The following CEP131 variants were observed in gnomAD, a reference collection of about 807,000 sequenced individuals.
CEP131 encodes centrosomal protein 131.
CEP131 carries 99 observed loss-of-function variants against 136.8 expected under a neutral mutation model. The ratio of observed to expected loss-of-function variants is 0.72; its 90% CI spans 0.62 to 0.86. CEP131 has a LOEUF of 0.86. CEP131 is among the 40% of genes least tolerant of loss of function. The pLI, the probability that CEP131 is intolerant of heterozygous loss-of-function variation, is 0.00. For synonymous variants in CEP131, 646 were observed against 612.7 expected (o/e 1.05, Z -0.80); for missense variants, 1,459 against 1,463.0 (o/e 1.00, Z 0.04).
chr17:81,219,251 A>G lies in CEP131; in HGVS notation c.177+629T>C, dbSNP rs913448945. ...CACCCGTCTAGGTTTCTCCAAGGCC[A>G]CCAGGAGCTCATCACCCCTCCCCAC... On this transcript the variant is annotated intron_variant, in intron 2 of 25. Transcript: ENST00000450824. The surrounding 1 kb of genome is among the most constrained non-coding windows in gnomAD (Gnocchi z 4.0). Among the ~76,000 whole-genome samples, 1 of 148,286 alleles carries G rather than the reference A, an allele frequency of 6.7e-6. No individual in the cohort carries two copies. The highest frequency in any genetic ancestry group is 1.5e-5 in the Non-Finnish European group (1 of 67,202).
At chr17:81,210,226 C>G (rs1307236566) in intron 2 of CEP131, among the ~76,000 whole-genome samples, 1 of 152,164 alleles carries the variant, frequency 6.6e-6, no homozygotes, top group Non-Finnish European at 1.5e-5. Flanking sequence ...CAGTGGCTCA[C>G]GCCTGTAATC....
chr17:81,212,720 C>T (rs984043104), intron 2 of CEP131, among the ~76,000 whole-genome samples: 6 of 151,552 alleles, frequency 4.0e-5, no homozygotes, highest in African/African-American at 9.8e-5. Context: ...GGACAGCAGA[C>T]GATGGGGCCG....
At chr17:81,191,922 G>A (rs1359413690) in intron 21 of CEP131, among the ~76,000 whole-genome samples, 1 of 152,138 alleles carries the variant, frequency 6.6e-6, no homozygotes, top group African/African-American at 2.4e-5. Context: ...GTGTGGGACT[G>A]TCACCGTGGC....
At chr17:81,218,418 C>A (rs1170597099) in intron 2 of CEP131, among the ~76,000 whole-genome samples, 1 of 152,224 alleles carries the variant, frequency 6.6e-6, no homozygotes, top group Non-Finnish European at 1.5e-5. Flanking sequence ...GCGGGAGGGG[C>A]CAAGGCAGGT....
intron 12 of CEP131, 65 bp downstream of exon 12, chr17:81,198,050 C>T (rs933167415): frequency 1.3e-6 from 2 of 1,494,646 alleles, no homozygotes; most frequent in Non-Finnish European, 1.8e-6. Context: ...CCCACAGCCA[C>T]CGCATGCTCT....
intron 7 of CEP131, among the ~76,000 whole-genome samples, chr17:81,201,750 C>T (rs1263355322): frequency 6.6e-6 from 1 of 152,118 alleles, no homozygotes; most frequent in Non-Finnish European, 1.5e-5. Context: ...ATAAACTTGC[C>T]TTTGCTTGGT....
At position 81,215,611 on chromosome 17, in the gene CEP131, C is replaced by T. The variant is rs1036617141; in HGVS notation, c.177+4269G>A. On this transcript the variant is annotated intron_variant, in intron 2 of 25. Transcript: ENST00000450824. This position sits in a 1 kb window ranked among gnomAD's most constrained non-coding sequence, Gnocchi z 4.1. ...ATTTTTAGTAGAGACGAGGTTTCAC[C>T]GTGTTGGCCAGGCTGGTCTCGAACT... is the stretch of plus-strand genomic sequence containing the variant. Among the ~76,000 whole-genome samples, 4 of 53,324 alleles carry T rather than the reference C, an allele frequency of 7.5e-5. No individual in the cohort carries two copies. Among genetic ancestry groups the T allele is most frequent in the South Asian group, 7.1e-4 (1 of 1,404 alleles). 35.0% of individuals were successfully genotyped at this position (53,324 alleles called of 152,430 possible).
chr17:81,202,285 G>A lies in CEP131; in HGVS notation c.743C>T (p.Thr248Met), dbSNP rs369029870. 60 of 1,557,324 alleles carry A rather than the reference G, an allele frequency of 3.9e-5. No homozygotes were observed. The highest frequency in any genetic ancestry group is 3.5e-4 in the Admixed American group (20 of 57,616). ...CACCTCCTTCCGCCTGGGCAAGCCCGTGCTGCCCCCAGTATTGTTCCGGGC... is the reference window on the plus strand; with the variant it reads ...CACCTCCTTCCGCCTGGGCAAGCCCATGCTGCCCCCAGTATTGTTCCGGGC... ...HSARNNTGGS[T>M]GLPRRKEVTE... is the part of the protein sequence containing the mutation. Residue 248 changes from threonine (T) to methionine (M), a missense_variant, in exon 7 of 26, where the codon ACG becomes ATG. Thr to Met is a moderately conservative substitution (Grantham distance 81). Transcript: ENST00000450824.
chr17:81,220,806 G>A (rs2062370737), intron 1 of CEP131, among the ~76,000 whole-genome samples: 1 of 150,700 alleles, frequency 6.6e-6, no homozygotes. Flanking sequence ...CGGCCCCTAA[G>A]TAAAAATACA....
At chr17:81,200,132 C>T in intron 8 of CEP131, 197 bp downstream of exon 8, 1 of 613,814 alleles carries the variant, frequency 1.6e-6, no homozygotes, top group Non-Finnish European at 2.9e-6. Context: ...TTCCTGACAC[C>T]CAGGCCCTGA....
At chr17:81,214,938 A>T (rs74546714) in intron 2 of CEP131, among the ~76,000 whole-genome samples, 1 of 150,856 alleles carries the variant, frequency 6.6e-6, no homozygotes, top group East Asian at 2.0e-4. Flanking sequence ...ACGCCCGGCT[A>T]ATTTTTTTTT....
intron 3 of CEP131, among the ~76,000 whole-genome samples, chr17:81,207,550 A>G (rs1254305305): frequency 4.7e-5 from 7 of 149,108 alleles, no homozygotes; most frequent in Admixed American, 4.0e-4. Context: ...GGTTTCGGCT[A>G]TGTTGCCCAG....
At chr17:81,212,225 AG>A (rs1259259761) in intron 2 of CEP131, among the ~76,000 whole-genome samples, 1 of 150,948 alleles carries the variant, frequency 6.6e-6, no homozygotes, top group Non-Finnish European at 1.5e-5. Flanking sequence ...CAGGAGGCTG[AG>A]GCAGGAGAAT....
At position 81,202,456 on chromosome 17, in the gene CEP131, C is replaced by G. The variant is rs900341700; in HGVS notation, c.630-58G>C. ...CCGCCCAGGGGAACAGCTCTGCCCA[C>G]AGGCAGCAGGTGCCCACTCCCGGAA... is the stretch of plus-strand genomic sequence containing the variant. On this transcript the variant is annotated intron_variant, in intron 6 of 25. Coordinates refer to ENST00000450824, the MANE Select transcript of CEP131 (RefSeq NM_014984.4). 3.8e-6 allele frequency: 6 copies of G among 1,560,300 alleles called. No homozygotes were observed. The Middle Eastern group carries it at 5.1e-4, about 132-fold the overall frequency.
chr17:81,196,878 C>T lies in CEP131; in HGVS notation c.1773+52G>A, dbSNP rs369027575. Reference sequence around the variant, plus strand: ...GCGCTAGGACCGGTGGGCCTGGCCTCAGCAGGTAGGAGGCTAGCAGGGCCC... The same window carrying T: ...GCGCTAGGACCGGTGGGCCTGGCCTTAGCAGGTAGGAGGCTAGCAGGGCCC... On this transcript the variant is annotated intron_variant, in intron 14 of 25. Transcript: ENST00000450824. The T allele has an allele frequency of 3.0e-5, 48 of 1,604,790 alleles. 1 individual carries two copies. In the African/African-American group the frequency reaches 6.0e-4, roughly 20 times the overall value.
chr17:81,220,079 C>G lies in CEP131; in HGVS notation c.-17-6G>C, dbSNP rs781253230. On this transcript the variant is annotated splice_region_variant and splice_polypyrimidine_tract_variant and intron_variant, in intron 1 of 25. Transcript: ENST00000450824. ...CATGGTGGACAAGGCAGGTCCTGAGCGGGGAAGCAAGAGCTGCAATGAGAT... is the reference window on the plus strand; with the variant it reads ...CATGGTGGACAAGGCAGGTCCTGAGGGGGGAAGCAAGAGCTGCAATGAGAT... The G allele has an allele frequency of 6.6e-7, 1 of 1,510,106 alleles. No individual in the cohort carries two copies. Among genetic ancestry groups the G allele is most frequent in the Non-Finnish European group, 8.8e-7 (1 of 1,131,222 alleles). The allele number at this position is 1,510,106 out of a possible 1,614,324, so 93.5% of individuals were successfully genotyped here.
rs529518295 is a variant in CEP131 at position 81,219,538 on chromosome 17, C to A, written c.177+342G>T. ...GTCTTGAACTGCTGACCTCAGATGA[C>A]CCGCCTGCCTCGGCCTCCCAAAGTG... is the stretch of plus-strand genomic sequence containing the variant. On this transcript the variant is annotated intron_variant, in intron 2 of 25. Transcript: ENST00000450824. The surrounding 1 kb of genome is among the most constrained non-coding windows in gnomAD (Gnocchi z 4.0). 6.6e-6 allele frequency among the ~76,000 whole-genome samples: 1 copy of A among 152,084 alleles called. No individual in the cohort carries two copies. Among genetic ancestry groups the A allele is most frequent in the South Asian group, 2.1e-4 (1 of 4,814 alleles).
intron 7 of CEP131, among the ~76,000 whole-genome samples, chr17:81,201,009 T>C (rs1325981743): frequency 6.6e-6 from 1 of 152,090 alleles, no homozygotes; most frequent in Non-Finnish European, 1.5e-5. Flanking sequence ...CCTGGTGGAA[T>C]CTCATGGAAC....
intron 1 of CEP131, among the ~76,000 whole-genome samples, chr17:81,220,467 C>T (rs963627339): frequency 6.6e-6 from 1 of 152,166 alleles, no homozygotes; most frequent in Admixed American, 6.5e-5. Context: ...CTGTTTTCTT[C>T]TGTAAAAGGG....
Sources: allele counts gnomAD v4.1 joint callset (sites outside exome capture counted in the v4.1 genomes callset), GRCh38; gene constraint gnomAD v4.1.1; non-coding constraint Gnocchi (gnomAD v3.1); transcripts MANE v1.5; gene names NCBI Gene and HGNC (gene_info 2026-07-23, HGNC 2026-07-21).